Variants in PTPRG observed in about 807,000 individuals in gnomAD.
The protein encoded by PTPRG is protein tyrosine phosphatase receptor type G.
A neutral mutation model predicts 165.3 loss-of-function variants in PTPRG; 102 were observed. The observed-to-expected ratio is 0.62, with a 90% CI of 0.53 to 0.73. PTPRG has a LOEUF of 0.73. Among genes scored for constraint, PTPRG ranks in the 30% least tolerant of loss-of-function variants. The pLI is 0.00. For missense variants in PTPRG, 1,866 were observed against 1,861.4 expected (o/e 1.00, Z -0.05); for synonymous variants, 675 against 669.5 (o/e 1.01, Z -0.13).
At chr3:61,766,488 A>G (rs768671184) in intron 2 of PTPRG, among the ~76,000 whole-genome samples, 7 of 152,178 alleles carry the variant, frequency 4.6e-5, no homozygotes, top group Non-Finnish European at 1.0e-4. Flanking sequence ...CACATTTTCC[A>G]GATTTCTATC....
intron 2 of PTPRG, among the ~76,000 whole-genome samples, chr3:61,947,832 T>A (rs571872933): frequency 6.6e-6 from 1 of 152,266 alleles, no homozygotes; most frequent in Non-Finnish European, 1.5e-5. Flanking sequence ...AGGGAAAAAC[T>A]TGTCTAATTG....
intron 4 of PTPRG, among the ~76,000 whole-genome samples, chr3:62,020,429 A>G (rs974528653): frequency 6.6e-6 from 1 of 152,204 alleles, no homozygotes; most frequent in Non-Finnish European, 1.5e-5. Context: ...TTTTTTCTCA[A>G]AATGCAAATT....
At chr3:61,624,042 A>G (rs2106909457) in intron 1 of PTPRG, among the ~76,000 whole-genome samples, 1 of 152,324 alleles carries the variant, frequency 6.6e-6, no homozygotes. Flanking sequence ...CACTGAACTC[A>G]GGAGCAGATC....
rs145753542 is a variant in PTPRG, at chr3:61,830,976, G to A, written c.190+81994G>A. ...TGGTGGCTTCCTTTCTTTTTTCAAA[G>A]ACCTAATGAGAATGTTTAAATAACA... On this transcript the variant is annotated intron_variant, in intron 2 of 29. Transcript: ENST00000474889. Among the ~76,000 whole-genome samples, 400 of 152,278 alleles carry A rather than the reference G, an allele frequency of 2.6e-3. 1 individual carries two copies. Among genetic ancestry groups the A allele is most frequent in the African/African-American group, 9.4e-3 (392 of 41,562 alleles).
In PTPRG at chr3:61,936,095, A is replaced by G. The variant is rs1243873464; in HGVS notation, c.191-53530A>G. ...GAAACAGCGTTCCTCTTCTCTGGAG[A>G]TTGCAATACAAGGCACCATCTTGGA... On this transcript the variant is annotated intron_variant, in intron 2 of 29. Coordinates refer to ENST00000474889, the MANE Select transcript of PTPRG (RefSeq NM_002841.4). Among the ~76,000 whole-genome samples the G allele has an allele frequency of 4.6e-5, 7 of 152,082 alleles. No homozygotes were observed. The East Asian group carries it at 9.7e-4, about 21-fold the overall frequency.
At chr3:61,623,977 T>G (rs1430539199) in intron 1 of PTPRG, among the ~76,000 whole-genome samples, 1 of 152,222 alleles carries the variant, frequency 6.6e-6, no homozygotes, top group Admixed American at 6.5e-5. Context: ...TCTGTTAGCC[T>G]CACTGCCTCC....
chr3:62,186,566 C>CGTTTTTTTTTTTTTT (rs1559620068), intron 8 of PTPRG, among the ~76,000 whole-genome samples: 4 of 99,612 alleles, frequency 4.0e-5, no homozygotes, highest in Middle Eastern at 5.6e-3. Context: ...TTTTTCTTTT[C>CGTTTTTTTTTTTTTT]CTTTTTTTTT....
At chr3:61,570,885 G>A (rs1489600451) in intron 1 of PTPRG, among the ~76,000 whole-genome samples, 1 of 152,164 alleles carries the variant, frequency 6.6e-6, no homozygotes, top group Non-Finnish European at 1.5e-5. Context: ...GCTTAGCTCT[G>A]TCTGTGGGTA....
chr3:61,942,856 A>G lies in PTPRG; in HGVS notation c.191-46769A>G, dbSNP rs540697060. ...TATGACTTAGCAAACTTCCTTCCCA[A>G]ACATGATATGAAGAAATGAGTGAAA... On this transcript the variant is annotated intron_variant, in intron 2 of 29. Transcript: ENST00000474889. Among the ~76,000 whole-genome samples the G allele has an allele frequency of 2.0e-5, 3 of 152,354 alleles. No individual in the cohort carries two copies. In the South Asian group the frequency reaches 6.2e-4, roughly 32 times the overall value.
chr3:61,895,409 AT>A (rs1163606928), intron 2 of PTPRG, among the ~76,000 whole-genome samples: 1 of 151,984 alleles, frequency 6.6e-6, no homozygotes, highest in Non-Finnish European at 1.5e-5. Flanking sequence ...TTGTCTTTTT[AT>A]TTTTTCTTAG....
intron 6 of PTPRG, among the ~76,000 whole-genome samples, chr3:62,141,884 G>A (rs994933509): frequency 6.6e-6 from 1 of 151,840 alleles, no homozygotes; most frequent in African/African-American, 2.4e-5. Context: ...CTGGGTGACA[G>A]GGCAAAACTG....
chr3:61,584,222 A>C (rs183836402), intron 1 of PTPRG, among the ~76,000 whole-genome samples: 3 of 152,328 alleles, frequency 2.0e-5, no homozygotes, highest in South Asian at 2.1e-4. Flanking sequence ...GTAAAACTTA[A>C]TTGTACAACA....
At chr3:61,882,749 C>T (rs1428088712) in intron 2 of PTPRG, among the ~76,000 whole-genome samples, 1 of 152,092 alleles carries the variant, frequency 6.6e-6, no homozygotes, top group African/African-American at 2.4e-5. Flanking sequence ...TTGAGTAGTC[C>T]AGAGTACATG....
Position 62,203,055 on chromosome 3 carries a change from A to G in PTPRG, c.1378-118A>G, listed in dbSNP as rs1016766777. On this transcript the variant is annotated intron_variant, in intron 11 of 29. Transcript: ENST00000474889. The surrounding 1 kb of genome is among the most constrained non-coding windows in gnomAD (Gnocchi z 6.4). ...TACATTGGAAAACTCCATAGCATAG[A>G]TGAGTAAAATCCTCAGAGGGTGACA... 1.4e-6 allele frequency: 2 copies of G among 1,478,478 alleles called. No individual in the cohort carries two copies. Among genetic ancestry groups the G allele is most frequent in the Non-Finnish European group, 1.8e-6 (2 of 1,112,252 alleles). 91.6% of individuals were successfully genotyped at this position (1,478,478 alleles called of 1,614,324 possible).
chr3:62,108,497 G>A (rs1292575690), intron 5 of PTPRG, among the ~76,000 whole-genome samples: 1 of 152,124 alleles, frequency 6.6e-6, no homozygotes, highest in Non-Finnish European at 1.5e-5. Flanking sequence ...CAGTGCCTCA[G>A]TAAACATATG....
intron 2 of PTPRG, among the ~76,000 whole-genome samples, chr3:61,768,715 G>T (rs1335064871): frequency 2.0e-5 from 3 of 152,142 alleles, no homozygotes; most frequent in Admixed American, 2.0e-4. Flanking sequence ...GTCCTTCACT[G>T]TGCACTTAGA....
intron 5 of PTPRG, among the ~76,000 whole-genome samples, chr3:62,091,578 C>T (rs35374855): frequency 0.053 from 8,113 of 152,162 alleles, 281 homozygotes; most frequent in Non-Finnish European, 0.069. Context: ...GTAGTGAGTT[C>T]CTCTCCAGGG....
chr3:61,916,745 T>C (rs2038947693), intron 2 of PTPRG, among the ~76,000 whole-genome samples: 1 of 152,218 alleles, frequency 6.6e-6, no homozygotes, highest in Non-Finnish European at 1.5e-5. Flanking sequence ...GGAGCTATTA[T>C]GATGTCCATT....
chr3:61,776,625 T>G (rs1344123050), intron 2 of PTPRG, among the ~76,000 whole-genome samples: 1 of 150,832 alleles, frequency 6.6e-6, no homozygotes, highest in Non-Finnish European at 1.5e-5. Context: ...CACAAGAAAT[T>G]CTATCCTTTT....
Sources: allele counts gnomAD v4.1 joint callset (sites outside exome capture counted in the v4.1 genomes callset), GRCh38; gene constraint gnomAD v4.1.1; non-coding constraint Gnocchi (gnomAD v3.1); transcripts MANE v1.5; gene names NCBI Gene and HGNC (gene_info 2026-07-23, HGNC 2026-07-21).